Variants in BTAF1 observed in about 807,000 individuals in gnomAD.
BTAF1 encodes B-TFIID TATA-box binding protein associated factor 1.
A neutral mutation model predicts 227.1 loss-of-function variants in BTAF1; 38 were observed. The observed-to-expected ratio is 0.17, with a 90% confidence interval of 0.13 to 0.22. The LOEUF (loss-of-function observed/expected upper bound fraction) is 0.22. Among genes scored for constraint, BTAF1 ranks in the 10% least tolerant of loss-of-function variants. BTAF1 has a pLI of 1.00. For missense variants in BTAF1, 1,598 were observed against 2,204.0 expected (o/e 0.73, Z 5.51); for synonymous variants, 742 against 751.9 (o/e 0.99, Z 0.21).
chr10:91,993,736 G>T lies in BTAF1; in HGVS notation c.3088G>T (p.Ala1030Ser). ...YLVQRRGAEF[A>S]LTTIVKHFGG... is the part of the protein sequence containing the mutation. ...GGTACAACGGAGAGGAGCTGAATTTGCTTTGACAACTATAGTAAAGCATTT... is the reference window on the plus strand; with the variant it reads ...GGTACAACGGAGAGGAGCTGAATTTTCTTTGACAACTATAGTAAAGCATTT... The change falls in exon 22 of 38, where the codon GCT becomes TCT. Residue 1030 changes from alanine (A) to serine (S), a missense_variant. Coordinates refer to ENST00000265990, the MANE Select transcript of BTAF1 (RefSeq NM_003972.3). The T allele has an allele frequency of 1.3e-6, 2 of 1,592,608 alleles. No homozygotes were observed. Among genetic ancestry groups the T allele is most frequent in the Admixed American group, 1.7e-5 (1 of 59,296 alleles).
intron 2 of BTAF1, 139 bp downstream of exon 2, chr10:91,935,919 T>TA: frequency 2.3e-6 from 2 of 869,692 alleles, no homozygotes; most frequent in African/African-American, 1.7e-5. Flanking sequence ...TCACAAGACT[T>TA]AAACTTTTTT....
rs748942135 is a variant in BTAF1, at chr10:91,935,713, C to T, written c.71C>T (p.Ala24Val). 77 of 1,613,446 alleles carry T rather than the reference C, an allele frequency of 4.8e-5. No individual in the cohort carries two copies. In the South Asian group the frequency reaches 7.8e-4, roughly 16 times the overall value. Residue 24 changes from alanine to valine, a missense_variant, in exon 2 of 38, where the codon GCT becomes GTT. By Grantham distance (64) the Ala-to-Val change is moderately conservative. Coordinates refer to ENST00000265990, the MANE Select transcript of BTAF1 (RefSeq NM_003972.3). ...DTGTTPVTRKAAAQQLGEVVK... is the reference protein window; with the variant it reads ...DTGTTPVTRKVAAQQLGEVVK... ...GGCACTACTCCTGTTACAAGAAAAG[C>T]TGCTGCACAGCAACTTGGAGAAGTG... is the stretch of plus-strand genomic sequence containing the variant.
At chr10:92,026,013 A>G (rs1851486867) in intron 35 of BTAF1, among the ~76,000 whole-genome samples, 1 of 152,322 alleles carries the variant, frequency 6.6e-6, no homozygotes, top group Admixed American at 6.5e-5. Flanking sequence ...TAATACCCTT[A>G]TAGAGCTATT....
intron 1 of BTAF1, among the ~76,000 whole-genome samples, chr10:91,930,473 C>G (rs1240421887): frequency 6.6e-6 from 1 of 152,174 alleles, no homozygotes; most frequent in African/African-American, 2.4e-5. Flanking sequence ...ACTTATCTAG[C>G]AAGCACCTGC....
Position 91,996,553 on chromosome 10 carries a change from C to G in BTAF1, c.3494C>G (p.Ala1165Gly), listed in dbSNP as rs1136716. The change falls in exon 24 of 38, where the codon GCA (alanine) becomes GGA (glycine). Residue 1165 changes from alanine (A) to glycine (G), a missense_variant. By Grantham distance (60) the Ala-to-Gly change is moderately conservative. This residue lies in a region of BTAF1 where 425 missense variants were observed against 491.2 expected (regional missense o/e 0.87). Transcript: ENST00000265990. Reference protein sequence around the residue: ...AIDDSVKQEGAIEALACVMEQ... With the variant: ...AIDDSVKQEGGIEALACVMEQ... ...GATGACAGTGTCAAACAAGAGGGTG[C>G]AATTGAAGCACTTGCCTGTATCCTT... 1.2e-6 allele frequency: 2 copies of G among 1,613,934 alleles called. No individual in the cohort carries two copies. Among genetic ancestry groups the G allele is most frequent in the Non-Finnish European group, 1.7e-6 (2 of 1,179,948 alleles).
chr10:91,981,686 T>G lies in BTAF1; in HGVS notation c.1799T>G (p.Val600Gly). The change falls in exon 16 of 38, where the codon GTA becomes GGA. Residue 600 changes from valine to glycine, a missense_variant. Physicochemically the swap from Val to Gly is moderately radical, Grantham distance 109 (BLOSUM62 -3). Around this residue, in one of 10 missense-constraint regions of BTAF1, gnomAD observed 318 missense variants for 435.0 expected, o/e 0.73. Transcript: ENST00000265990. ...AGTAAGGCTTCAGTTCAGTATGTGGTAGCAGCTGCTTGCCCATGGATGGGT... is the reference window on the plus strand; with the variant it reads ...AGTAAGGCTTCAGTTCAGTATGTGGGAGCAGCTGCTTGCCCATGGATGGGT... The part of the protein sequence containing the change: ...LLSKASVQYV[V>G]AAACPWMGAW... 6.2e-7 allele frequency: 1 copy of G among 1,613,820 alleles called. No homozygotes were observed. Among genetic ancestry groups the G allele is most frequent in the Non-Finnish European group, 8.5e-7 (1 of 1,179,802 alleles).
intron 2 of BTAF1, among the ~76,000 whole-genome samples, chr10:91,939,090 G>T (rs775649625): frequency 1.6e-4 from 25 of 151,842 alleles, no homozygotes; most frequent in Admixed American, 3.3e-4. Context: ...TGAACACAAG[G>T]TGTCTATTTA....
At chr10:92,001,305 G>T (rs146263237) in intron 25 of BTAF1, among the ~76,000 whole-genome samples, 1 of 152,190 alleles carries the variant, frequency 6.6e-6, no homozygotes, top group Non-Finnish European at 1.5e-5. Context: ...AGGTCCACAG[G>T]GGGGTTCTCC....
chr10:91,929,363 T>C (rs1032698899), intron 1 of BTAF1, among the ~76,000 whole-genome samples: 1 of 152,244 alleles, frequency 6.6e-6, no homozygotes. Context: ...ACAGTACTTA[T>C]AATATGACTG....
rs751414780 is a variant in BTAF1 at position 91,959,738 on chromosome 10, GTGTA to G, written c.991-45_991-42del. 4.1e-3 allele frequency: 1,510 copies of G among 370,754 alleles called. 4 individuals are homozygous for G. The highest frequency in any genetic ancestry group is 6.7e-3 in the East Asian group (90 of 13,480). The allele number at this position is 370,754 out of a possible 1,614,324, so 23.0% of individuals were successfully genotyped here. ...AAAAAATGTGTGTGTGTGTGTGTGT[GTGTA>G]TATATATATATATATATATATATAT... On this transcript the variant is annotated intron_variant, in intron 9 of 37. Coordinates refer to ENST00000265990, the MANE Select transcript of BTAF1 (RefSeq NM_003972.3).
At chr10:91,943,378 C>A (rs868176901) in intron 4 of BTAF1, among the ~76,000 whole-genome samples, 13 of 152,232 alleles carry the variant, frequency 8.5e-5, no homozygotes, top group Middle Eastern at 3.4e-3. Context: ...CAGAATCTAT[C>A]TGAATATAAA....
At chr10:91,974,777 G>A (rs1319989411) in intron 14 of BTAF1, among the ~76,000 whole-genome samples, 1 of 152,070 alleles carries the variant, frequency 6.6e-6, no homozygotes, top group Non-Finnish European at 1.5e-5. Context: ...ACTTGAGCCC[G>A]GGAGGCAGAG....
intron 1 of BTAF1, among the ~76,000 whole-genome samples, chr10:91,931,266 A>G (rs770397474): frequency 3.3e-5 from 5 of 152,200 alleles, no homozygotes; most frequent in African/African-American, 4.8e-5. Flanking sequence ...TTGTTTAGCT[A>G]ATTCTCGGAA....
intron 30 of BTAF1, among the ~76,000 whole-genome samples, chr10:92,011,736 A>G (rs952513940): frequency 6.6e-6 from 1 of 152,228 alleles, no homozygotes; most frequent in Admixed American, 6.5e-5. Context: ...AATCTGATTT[A>G]GCATTGAAAA....
chr10:91,952,760 T>C (rs11186767), intron 5 of BTAF1, among the ~76,000 whole-genome samples: 7,324 of 151,996 alleles, frequency 0.048, 249 homozygotes, highest in Non-Finnish European at 0.069. Flanking sequence ...GAGGCCAGAA[T>C]ACAGCAACAC....
intron 27 of BTAF1, 21 bp downstream of exon 27, chr10:92,008,971 A>G: frequency 1.2e-6 from 2 of 1,611,860 alleles, no homozygotes; most frequent in Non-Finnish European, 1.7e-6. Flanking sequence ...ATGTTATTTT[A>G]AAATAAGGTT....
intron 20 of BTAF1, among the ~76,000 whole-genome samples, chr10:91,991,450 T>C (rs1848748732): frequency 6.8e-6 from 1 of 147,588 alleles, no homozygotes; most frequent in African/African-American, 2.5e-5. Context: ...ATCTCAAAAA[T>C]AACAACAAAA....
intron 34 of BTAF1, among the ~76,000 whole-genome samples, chr10:92,024,552 G>A (rs920102363): frequency 2.0e-5 from 3 of 151,946 alleles, no homozygotes; most frequent in African/African-American, 7.3e-5. Flanking sequence ...TTCTGAAGAG[G>A]TGATCAGGGA....
At chr10:91,979,389 G>A (rs1847923590) in intron 14 of BTAF1, among the ~76,000 whole-genome samples, 1 of 152,090 alleles carries the variant, frequency 6.6e-6, no homozygotes, top group African/African-American at 2.4e-5. Context: ...TCTTTGAGGA[G>A]TCATGTGGCC....
Sources: allele counts gnomAD v4.1 joint callset (sites outside exome capture counted in the v4.1 genomes callset), GRCh38; gene constraint gnomAD v4.1.1; regional missense constraint gnomAD v4.1.1; transcripts MANE v1.5; gene names NCBI Gene and HGNC (gene_info 2026-07-23, HGNC 2026-07-21).